SLC2A9: variants seen among roughly 807,000 people sequenced by gnomAD.
SLC2A9 encodes the protein solute carrier family 2 member 9, also known as solute carrier family 2, facilitated glucose transporter member 9.
Under a neutral mutation model 50.6 loss-of-function variants are expected in SLC2A9, and 39 were observed. That is an observed-to-expected ratio of 0.77 (90% CI 0.60 to 1.01). The LOEUF (loss-of-function observed/expected upper bound fraction) is 1.01. SLC2A9 is among the 50% of genes least tolerant of loss of function. The pLI, the probability that SLC2A9 is intolerant of heterozygous loss-of-function variation, is 0.00. For missense variants in SLC2A9, 686 were observed against 677.6 expected (o/e 1.01, Z -0.14); for synonymous variants, 324 against 276.9 (o/e 1.17, Z -1.69).
chr4:9,890,011 T>G (rs1444620103), intron 9 of SLC2A9, among the ~76,000 whole-genome samples: 3 of 152,330 alleles, frequency 2.0e-5, no homozygotes, highest in South Asian at 4.1e-4. Flanking sequence ...TTCATGGACA[T>G]CCACTGAGTG....
chr4:9,941,602 C>T (rs1360286449), intron 6 of SLC2A9, among the ~76,000 whole-genome samples: 1 of 152,204 alleles, frequency 6.6e-6, no homozygotes, highest in Non-Finnish European at 1.5e-5. Flanking sequence ...ATCTCTGTGG[C>T]TGGGAACAAC....
At position 10,019,056 on chromosome 4, in the gene SLC2A9, G is replaced by A. The variant is rs931819754; in HGVS notation, c.168C>T (p.Leu56=). 6.4e-7 allele frequency: 1 copy of A among 1,551,198 alleles called. No homozygotes were observed. The highest frequency in any genetic ancestry group is 8.7e-7 in the Non-Finnish European group (1 of 1,146,960). The change falls in exon 2 of 12, where the codon CTC becomes CTT. Residue 56 remains leucine (L), a synonymous_variant. Transcript: ENST00000264784. The stretch of plus-strand genomic sequence containing the variant: ...AGGCGCCCGCGAGGGAGGCCACGAG[G>A]AGCGAGCAGGACCAGTCCTGAGGGG... ...GRRRKDWSCS[L]LVASLAGAFG... is the part of the protein sequence containing the mutation.
chr4:9,874,639 GCAT>G (rs1411258089), intron 10 of SLC2A9, among the ~76,000 whole-genome samples: 1 of 152,258 alleles, frequency 6.6e-6, no homozygotes, highest in African/African-American at 2.4e-5. Context: ...CCAGCTGTGT[GCAT>G]GACTGTTTTG....
intron 10 of SLC2A9, among the ~76,000 whole-genome samples, chr4:9,850,563 G>A (rs941357048): frequency 1.3e-5 from 2 of 152,108 alleles, no homozygotes; most frequent in African/African-American, 4.8e-5. Context: ...GTGCTTCCCT[G>A]GGACCCTCTT....
chr4:10,021,279 C>G lies in SLC2A9; in HGVS notation c.150+1G>C, dbSNP rs557426722. On this transcript the variant is annotated splice_donor_variant, in intron 1 of 11. Coordinates refer to ENST00000264784, the MANE Select transcript of SLC2A9 (RefSeq NM_020041.3). LOFTEE classifies it high-confidence loss of function. ...CATGCAGAAAAGCTGTCCGTAGTTA[C>G]CTTTCTTCTCCTTCCACCTGGCACC... 2.5e-6 allele frequency: 4 copies of G among 1,613,416 alleles called. No homozygotes were observed. The Admixed American group carries it at 6.7e-5, about 27-fold the overall frequency.
chr4:10,030,408 C>T (rs531285372), intron 1 of SLC2A9, among the ~76,000 whole-genome samples: 34 of 152,194 alleles, frequency 2.2e-4, no homozygotes, highest in African/African-American at 8.2e-4. Flanking sequence ...GTAATTATGC[C>T]TTTGTCCAAA....
chr4:9,825,958 C>CT, downstream of SLC2A9, among the ~76,000 whole-genome samples: 1 of 152,312 alleles, frequency 6.6e-6, no homozygotes, highest in South Asian at 2.1e-4. Context: ...GTCAAGGCTG[C>CT]TTGTGGTAAA....
At chr4:9,943,847 C>T (rs897202636) in intron 5 of SLC2A9, among the ~76,000 whole-genome samples, 16 of 152,140 alleles carry the variant, frequency 1.1e-4, no homozygotes, top group African/African-American at 2.9e-4. Flanking sequence ...GCTCCTACCA[C>T]GTGCCGGATG....
downstream of SLC2A9, among the ~76,000 whole-genome samples, chr4:9,775,844 G>T (rs73090796): frequency 2.6e-3 from 393 of 152,252 alleles, no homozygotes; most frequent in African/African-American, 8.4e-3. Context: ...TGCAAGGATG[G>T]CCTAATACAC....
intron 3 of SLC2A9, among the ~76,000 whole-genome samples, chr4:9,806,224 AC>A (rs1722096132): frequency 6.6e-6 from 1 of 152,204 alleles, no homozygotes; most frequent in Non-Finnish European, 1.5e-5. Context: ...TGGCCTTGAC[AC>A]CCACACTGAA....
chr4:10,010,424 G>A (rs1761568211), intron 2 of SLC2A9, among the ~76,000 whole-genome samples: 1 of 152,134 alleles, frequency 6.6e-6, no homozygotes, highest in Non-Finnish European at 1.5e-5. Flanking sequence ...AAACCAGAAG[G>A]GGTAGTGAGA....
At chr4:9,828,728 C>T (rs980331452) in intron 11 of SLC2A9, among the ~76,000 whole-genome samples, 1 of 152,202 alleles carries the variant, frequency 6.6e-6, no homozygotes, top group Non-Finnish European at 1.5e-5. Context: ...CTCGTTGACT[C>T]TCATTTTGAA....
At chr4:9,783,577 G>C in intron 3 of SLC2A9, 2 of 1,026,982 alleles carry the variant, frequency 1.9e-6, no homozygotes, top group African/African-American at 1.6e-5. Context: ...ATGTGTTTCT[G>C]TGTAGTAGCT....
intron 9 of SLC2A9, among the ~76,000 whole-genome samples, chr4:9,888,559 A>C (rs942567067): frequency 6.6e-6 from 1 of 152,000 alleles, no homozygotes; most frequent in Non-Finnish European, 1.5e-5. Context: ...CCAGTTCTGA[A>C]TCTGTGGGGG....
At chr4:9,922,270 A>G (rs1156253786) in intron 6 of SLC2A9, among the ~76,000 whole-genome samples, 1 of 151,678 alleles carries the variant, frequency 6.6e-6, no homozygotes, top group African/African-American at 2.4e-5. Context: ...CTGAACAATG[A>G]GACCACATGG....
Position 9,834,904 on chromosome 4 carries a change from C to T in SLC2A9, c.1396G>A (p.Gly466Arg). The change falls in exon 11 of 12, where the codon GGG becomes AGG. Residue 466 changes from glycine to arginine, a missense_variant. By Grantham distance (125) the Gly-to-Arg change is moderately radical (BLOSUM62 -2). Coordinates refer to ENST00000264784, the MANE Select transcript of SLC2A9 (RefSeq NM_020041.3). ...ACCTGAATGAATGGGAAGAGGAGCCCAACAGCAAAGTTGGAGAGCCAGTTG... is the reference window on the plus strand; with the variant it reads ...ACCTGAATGAATGGGAAGAGGAGCCTAACAGCAAAGTTGGAGAGCCAGTTG... Reference protein sequence around the residue: ...TVNWLSNFAVGLLFPFIQKSL... With the variant: ...TVNWLSNFAVRLLFPFIQKSL... The T allele has an allele frequency of 6.2e-7, 1 of 1,614,086 alleles. No individual in the cohort carries two copies. Among genetic ancestry groups the T allele is most frequent in the South Asian group, 1.1e-5 (1 of 91,076 alleles).
intron 6 of SLC2A9, among the ~76,000 whole-genome samples, chr4:9,928,608 C>T (rs573535697): frequency 6.6e-6 from 1 of 152,148 alleles, no homozygotes; most frequent in Non-Finnish European, 1.5e-5. Flanking sequence ...GTGGCGGGTG[C>T]CTGTTGTCCC....
chr4:9,899,374 T>G (rs1215654740), intron 8 of SLC2A9, among the ~76,000 whole-genome samples: 1 of 152,252 alleles, frequency 6.6e-6, no homozygotes, highest in Non-Finnish European at 1.5e-5. Flanking sequence ...GTACATTACA[T>G]GAAAAGCAAT....
intron 3 of SLC2A9, among the ~76,000 whole-genome samples, chr4:9,788,839 A>G (rs2108876424): frequency 6.6e-6 from 1 of 152,230 alleles, no homozygotes; most frequent in East Asian, 1.9e-4. Flanking sequence ...GATATGTCAG[A>G]CTCATCTTGT....
Sources: allele counts gnomAD v4.1 joint callset (sites outside exome capture counted in the v4.1 genomes callset), GRCh38; gene constraint gnomAD v4.1.1; transcripts MANE v1.5; gene names NCBI Gene and HGNC (gene_info 2026-07-23, HGNC 2026-07-21).